Variants in NCKAP5 observed in about 807,000 individuals in gnomAD.
The protein encoded by NCKAP5 is nck-associated protein 5.
A neutral mutation model predicts 167.0 loss-of-function variants in NCKAP5; 92 were observed. The ratio of observed to expected loss-of-function variants is 0.55; its 90% CI spans 0.47 to 0.66. The LOEUF (loss-of-function observed/expected upper bound fraction) is 0.66. Ranked by LOEUF, NCKAP5 falls within the 30% of genes least tolerant of loss-of-function variation. The pLI is 0.00. For missense variants in NCKAP5, 2,378 were observed against 2,315.0 expected (o/e 1.03, Z -0.56); for synonymous variants, 891 against 877.4 (o/e 1.02, Z -0.27).
intron 11 of NCKAP5, among the ~76,000 whole-genome samples, chr2:132,856,246 C>T (rs557054366): frequency 5.2e-4 from 79 of 152,132 alleles, no homozygotes; most frequent in African/African-American, 1.8e-3. Context: ...CAGTGGGATG[C>T]TTGGCTTGTG....
intron 4 of NCKAP5, among the ~76,000 whole-genome samples, chr2:133,271,560 C>G (rs1209682423): frequency 6.6e-6 from 1 of 152,080 alleles, no homozygotes; most frequent in Non-Finnish European, 1.5e-5. Flanking sequence ...AATGACATCA[C>G]AAGGAAACCA....
intron 5 of NCKAP5, 132 bp downstream of exon 5, chr2:133,213,584 A>C (rs2086298478): frequency 3.6e-6 from 3 of 822,888 alleles, no homozygotes; most frequent in Admixed American, 2.3e-5. Flanking sequence ...TTATAAATAC[A>C]TCATTTGCCA....
chr2:132,806,340 G>A (rs966261585), intron 11 of NCKAP5, among the ~76,000 whole-genome samples: 1 of 152,092 alleles, frequency 6.6e-6, no homozygotes, highest in African/African-American at 2.4e-5. Context: ...GTTCTTTAAG[G>A]AATCTTCACA....
chr2:132,712,617 A>C (rs1260372767), intron 19 of NCKAP5, among the ~76,000 whole-genome samples: 7 of 152,000 alleles, frequency 4.6e-5, no homozygotes, highest in Admixed American at 1.3e-4. Flanking sequence ...GTGCCACTGC[A>C]CTCCAGCCTG....
chr2:133,208,531 G>A (rs1836217), intron 5 of NCKAP5, among the ~76,000 whole-genome samples: 94,167 of 152,016 alleles, frequency 0.62, 29,674 homozygotes, highest in African/African-American at 0.72. Flanking sequence ...CTACCAAGTT[G>A]TCAAAAACAA....
chr2:133,106,265 C>A (rs1456263574), intron 6 of NCKAP5, among the ~76,000 whole-genome samples: 1 of 141,234 alleles, frequency 7.1e-6, no homozygotes, highest in Admixed American at 7.3e-5. Context: ...TGCACTCCAG[C>A]CTGGGCAACA....
chr2:133,197,983 A>C (rs193223414), intron 5 of NCKAP5, among the ~76,000 whole-genome samples: 223 of 152,276 alleles, frequency 1.5e-3, no homozygotes, highest in African/African-American at 4.5e-3. Flanking sequence ...AAAAAGCGGA[A>C]AGATAGAATG....
intron 5 of NCKAP5, among the ~76,000 whole-genome samples, chr2:133,194,503 C>T (rs1252977160): frequency 6.6e-6 from 1 of 152,032 alleles, no homozygotes; most frequent in East Asian, 1.9e-4. Context: ...GATCTCACAT[C>T]TGGCAAGCAC....
chr2:133,017,642 C>G (rs1231984040), intron 6 of NCKAP5, among the ~76,000 whole-genome samples: 1 of 152,066 alleles, frequency 6.6e-6, no homozygotes, highest in Non-Finnish European at 1.5e-5. Context: ...TTAAATCTTC[C>G]TCTCTTTACT....
chr2:133,592,403 C>T, the NCKAP5 span, among the ~76,000 whole-genome samples: 1 of 152,228 alleles, frequency 6.6e-6, no homozygotes, highest in Admixed American at 6.5e-5. Flanking sequence ...CATCTCTCTC[C>T]TTTCCGAATT....
At chr2:133,198,352 C>A (rs1164606574) in intron 5 of NCKAP5, among the ~76,000 whole-genome samples, 1 of 151,890 alleles carries the variant, frequency 6.6e-6, no homozygotes, top group East Asian at 1.9e-4. Flanking sequence ...CACATCATAA[C>A]CACACTGCAG....
intron 3 of NCKAP5, among the ~76,000 whole-genome samples, chr2:133,374,519 A>C (rs146452293): frequency 8.5e-4 from 130 of 152,250 alleles, no homozygotes; most frequent in African/African-American, 3.0e-3. Context: ...CAACTGAAAC[A>C]AATGCACCAC....
chr2:133,009,850 G>A (rs546481212), intron 6 of NCKAP5, among the ~76,000 whole-genome samples: 33 of 151,906 alleles, frequency 2.2e-4, no homozygotes, highest in African/African-American at 7.2e-4. Context: ...TGGGTGGATC[G>A]TGAGGTCAGG....
chr2:132,973,167 G>A (rs554779951), intron 7 of NCKAP5, among the ~76,000 whole-genome samples: 1 of 152,266 alleles, frequency 6.6e-6, no homozygotes, highest in Non-Finnish European at 1.5e-5. Flanking sequence ...GTGACTCTAG[G>A]TCTGTCTGAG....
At chr2:133,349,138 T>C (rs981224892) in intron 3 of NCKAP5, among the ~76,000 whole-genome samples, 1 of 152,224 alleles carries the variant, frequency 6.6e-6, no homozygotes, top group Non-Finnish European at 1.5e-5. Flanking sequence ...GAGGATATTT[T>C]GATCATTTTT....
At chr2:133,412,221 G>C (rs781418750) in intron 3 of NCKAP5, among the ~76,000 whole-genome samples, 1 of 152,144 alleles carries the variant, frequency 6.6e-6, no homozygotes, top group Non-Finnish European at 1.5e-5. Context: ...GAAAGGGACC[G>C]CAGAGAGCCC....
rs1292090159 is a variant in NCKAP5, at chr2:133,323,314, CATT to C, written c.70-20207_70-20205del. Among the ~76,000 whole-genome samples, 4 of 152,278 alleles carry C rather than the reference CATT, an allele frequency of 2.6e-5. No homozygotes were observed. In the East Asian group the frequency reaches 5.8e-4, roughly 22 times the overall value. On this transcript the variant is annotated intron_variant, in intron 3 of 19. Transcript: ENST00000409261. ...TGTCTGACATAGAGATCTCAGCAAA[CATT>C]AGTTCTATGGATCAGGGAAACAATT...
upstream of NCKAP5, among the ~76,000 whole-genome samples, chr2:133,569,091 AC>A (rs1171136935): frequency 1.3e-5 from 2 of 151,926 alleles, no homozygotes; most frequent in African/African-American, 2.4e-5. Flanking sequence ...CACCTGCACC[AC>A]CCCCGACACT....
intron 4 of NCKAP5, among the ~76,000 whole-genome samples, chr2:133,293,370 T>G (rs1047908613): frequency 2.6e-5 from 4 of 152,196 alleles, no homozygotes; most frequent in Admixed American, 2.0e-4. Context: ...AGGCACCCCC[T>G]AATTAGACAC....
Sources: allele counts gnomAD v4.1 joint callset (sites outside exome capture counted in the v4.1 genomes callset), GRCh38; gene constraint gnomAD v4.1.1; transcripts MANE v1.5; gene names NCBI Gene and HGNC (gene_info 2026-07-23, HGNC 2026-07-21).